Variants in MARCHF6 observed in about 807,000 individuals in gnomAD.
MARCHF6 encodes the protein membrane associated ring-CH-type finger 6.
A neutral mutation model predicts 133.7 loss-of-function variants in MARCHF6; 31 were observed. The ratio of observed to expected loss-of-function variants is 0.23; its 90% CI spans 0.17 to 0.31. MARCHF6 has a LOEUF of 0.31. Among genes scored for constraint, MARCHF6 ranks in the 10% least tolerant of loss-of-function variants. The pLI, the probability that MARCHF6 is intolerant of heterozygous loss-of-function variation, is 1.00. For synonymous variants in MARCHF6, 395 were observed against 402.5 expected (o/e 0.98, Z 0.22); for missense variants, 723 against 1,121.6 (o/e 0.64, Z 5.08).
At chr5:10,426,892 A>G (rs1740115274) in intron 24 of MARCHF6, among the ~76,000 whole-genome samples, 1 of 152,250 alleles carries the variant, frequency 6.6e-6, no homozygotes, top group South Asian at 2.1e-4. Context: ...TCTTTGGCAT[A>G]AAAGATCCAA....
rs570321748 is a variant in MARCHF6 at position 10,435,657 on chromosome 5, A to C, written c.*1973A>C. ...TATATAACTATATATATATATATAT[A>C]TATATATATATATATATATATATAT... is the stretch of plus-strand genomic sequence containing the variant. On this transcript the variant is annotated 3_prime_UTR_variant, in exon 26 of 26. Coordinates refer to ENST00000274140, the MANE Select transcript of MARCHF6 (RefSeq NM_005885.4). 1.9e-4 allele frequency: 1 copy of C among 5,206 alleles called. No individual in the cohort carries two copies. 0.3% of individuals were successfully genotyped at this position (5,206 alleles called of 1,614,324 possible).
At position 10,429,925 on chromosome 5, in the gene MARCHF6, C is replaced by T. The variant is rs949871008; in HGVS notation, c.2539C>T (p.Arg847Trp). The stretch of plus-strand genomic sequence containing the variant: ...TGCGGAAATGCAAAACTTAGTCCAT[C>T]GGCGGATTTATCCATTTTTACTGAT... ...VTAEMQNLVHRRIYPFLLMVV... is the reference protein window; with the variant it reads ...VTAEMQNLVHWRIYPFLLMVV... Residue 847 changes from arginine (R) to tryptophan (W), a missense_variant, in exon 25 of 26, where the codon CGG becomes TGG. Arg to Trp is a moderately radical substitution (Grantham distance 101). Coordinates refer to ENST00000274140, the MANE Select transcript of MARCHF6 (RefSeq NM_005885.4). 7 of 1,613,254 alleles carry T rather than the reference C, an allele frequency of 4.3e-6. No individual in the cohort carries two copies. The highest frequency in any genetic ancestry group is 1.7e-5 in the Admixed American group (1 of 59,992).
chr5:10,421,411 G>A (rs977279601), intron 22 of MARCHF6, among the ~76,000 whole-genome samples: 5 of 152,234 alleles, frequency 3.3e-5, no homozygotes, highest in African/African-American at 1.2e-4. Context: ...ACAAGCTGTA[G>A]ACAGATAATG....
intron 1 of MARCHF6, among the ~76,000 whole-genome samples, chr5:10,373,687 T>G (rs1736595811): frequency 6.6e-6 from 1 of 152,136 alleles, no homozygotes; most frequent in Non-Finnish European, 1.5e-5. Flanking sequence ...GGACACCCTT[T>G]GTCATGCTGT....
chr5:10,361,327 G>T (rs575381953), intron 1 of MARCHF6, among the ~76,000 whole-genome samples: 45 of 152,336 alleles, frequency 3.0e-4, no homozygotes, highest in African/African-American at 9.9e-4. Context: ...AAGTACTACA[G>T]ATTGGGTGCT....
At chr5:10,422,117 A>G (rs1739854625) in intron 22 of MARCHF6, 1 of 152,224 alleles carries the variant, frequency 6.6e-6, no homozygotes, top group African/African-American at 2.4e-5. Flanking sequence ...GTGGAGCTGT[A>G]TGACATAGAT....
At chr5:10,394,697 G>T in intron 8 of MARCHF6, 56 bp from the exon 9 acceptor site, 1 of 1,375,092 alleles carries the variant, frequency 7.3e-7, no homozygotes, top group Non-Finnish European at 1.0e-6. Context: ...TCATAAATTA[G>T]AATAGAAAGT....
At chr5:10,416,407 A>G (rs927257220) in intron 21 of MARCHF6, among the ~76,000 whole-genome samples, 6 of 152,246 alleles carry the variant, frequency 3.9e-5, no homozygotes, top group African/African-American at 7.2e-5. Context: ...ATCCATTTTT[A>G]TAGTGAGAGA....
intron 1 of MARCHF6, among the ~76,000 whole-genome samples, chr5:10,367,739 G>C (rs763193629): frequency 1.3e-5 from 2 of 151,686 alleles, no homozygotes; most frequent in Non-Finnish European, 2.9e-5. Flanking sequence ...ACAAGAATTT[G>C]AAAAATTACT....
intron 1 of MARCHF6, 40 bp from the exon 2 acceptor site, chr5:10,377,758 T>C (rs750611091): frequency 1.4e-6 from 2 of 1,442,696 alleles, no homozygotes; most frequent in African/African-American, 2.8e-5. Flanking sequence ...TTAAAAAAGT[T>C]ATAACCAAAG....
intron 7 of MARCHF6, 127 bp from the exon 8 acceptor site, chr5:10,393,955 A>G (rs1238611946): frequency 2.4e-6 from 1 of 424,764 alleles, no homozygotes; most frequent in South Asian, 6.7e-5. Context: ...TCAGTATGGA[A>G]ATGTGGCTTA....
intron 1 of MARCHF6, among the ~76,000 whole-genome samples, chr5:10,372,774 G>T (rs1018241051): frequency 4.6e-5 from 7 of 152,114 alleles, no homozygotes; most frequent in Admixed American, 1.3e-4. Context: ...TTTTATATTT[G>T]CCAATCTCTT....
intron 5 of MARCHF6, among the ~76,000 whole-genome samples, chr5:10,387,736 T>C (rs1043771504): frequency 2.6e-5 from 4 of 152,182 alleles, no homozygotes; most frequent in African/African-American, 9.7e-5. Context: ...AGTGGTGTGA[T>C]CTCTGCTCAC....
At chr5:10,354,207 G>T (rs6875362) in intron 1 of MARCHF6, among the ~76,000 whole-genome samples, 117 of 152,172 alleles carry the variant, frequency 7.7e-4, no homozygotes, top group Middle Eastern at 3.4e-3. Flanking sequence ...CCTTGTCCCC[G>T]CCGTCGCGCG....
At chr5:10,369,466 T>C (rs1736329237) in intron 1 of MARCHF6, among the ~76,000 whole-genome samples, 1 of 152,228 alleles carries the variant, frequency 6.6e-6, no homozygotes, top group South Asian at 2.1e-4. Flanking sequence ...TAGACAGTAC[T>C]GTAGAAGGCC....
In MARCHF6 at chr5:10,437,322, A is replaced by C. The variant is rs1245564241; in HGVS notation, c.*3638A>C. 2 of 152,186 alleles carry C rather than the reference A, an allele frequency of 1.3e-5. No homozygotes were observed. Among genetic ancestry groups the C allele is most frequent in the Non-Finnish European group, 2.9e-5 (2 of 68,034 alleles). 9.4% of individuals were successfully genotyped at this position (152,186 alleles called of 1,614,324 possible). On this transcript the variant is annotated 3_prime_UTR_variant, in exon 26 of 26. Coordinates refer to ENST00000274140, the MANE Select transcript of MARCHF6 (RefSeq NM_005885.4). ...GATGTTATTCAGCCATCAAAAAAAA[A>C]CCCAACTAAAATGTCTTACCAGTAA...
intron 9 of MARCHF6, 152 bp from the exon 10 acceptor site, chr5:10,397,141 T>A (rs931828513): frequency 3.9e-6 from 2 of 508,304 alleles, no homozygotes; most frequent in African/African-American, 3.9e-5. Flanking sequence ...AAGTTACATA[T>A]TATGTCTAGA....
intron 9 of MARCHF6, 127 bp from the exon 10 acceptor site, chr5:10,397,166 C>A: frequency 3.3e-6 from 2 of 608,276 alleles, no homozygotes; most frequent in Non-Finnish European, 5.5e-6. Context: ...AATCCCAAAA[C>A]AATAGAGGGA....
chr5:10,354,233 G>A (rs374651976), intron 1 of MARCHF6, among the ~76,000 whole-genome samples: 18 of 152,268 alleles, frequency 1.2e-4, no homozygotes, highest in African/African-American at 3.6e-4. Context: ...CCAGAAAAGG[G>A]GGCCTCTGTC....
Sources: allele counts gnomAD v4.1 joint callset (sites outside exome capture counted in the v4.1 genomes callset), GRCh38; gene constraint gnomAD v4.1.1; transcripts MANE v1.5; gene names NCBI Gene and HGNC (gene_info 2026-07-23, HGNC 2026-07-21).